The following CLVS1 variants were observed in gnomAD, a reference collection of about 807,000 sequenced individuals.
CLVS1 encodes clavesin 1.
CLVS1 carries 10 observed loss-of-function variants against 33.1 expected under a neutral mutation model. The observed-to-expected ratio is 0.30, with a 90% confidence interval of 0.19 to 0.51. The LOEUF (loss-of-function observed/expected upper bound fraction) is 0.51, where lower values mean the gene tolerates loss of function less well. Among genes scored for constraint, CLVS1 ranks in the 20% least tolerant of loss-of-function variants. The pLI is 0.97. For missense variants in CLVS1, 343 were observed against 433.4 expected, an observed-to-expected ratio of 0.79 and a Z score of 1.85; for synonymous variants, 163 against 166.1, an observed-to-expected ratio of 0.98 and a Z score of 0.14.
At chr8:61,337,514 C>T (rs1329456937) in intron 2 of CLVS1, among the ~76,000 whole-genome samples, 1 of 152,132 alleles carries the variant, frequency 6.6e-6, no homozygotes, top group African/African-American at 2.4e-5. Flanking sequence ...ACTGCCCCTC[C>T]AGGATTTCCG....
chr8:61,275,787 G>A lies in CLVS1; in HGVS notation c.-151-23890G>A, dbSNP rs1051274823. 2.6e-5 allele frequency among the ~76,000 whole-genome samples: 4 copies of A among 152,246 alleles called. No individual in the cohort carries two copies. In the South Asian group the frequency reaches 8.3e-4, roughly 32 times the overall value. On this transcript the variant is annotated intron_variant, in intron 2 of 2. Coordinates refer to the CLVS1 transcript ENST00000522621. ...CTCTCAAAGGTCTTACCTTTACAAT[G>A]CCATTCATCCCTCAAAAGAACAAAC...
chr8:61,186,553 T>C (rs1807347587), intron 2 of CLVS1, among the ~76,000 whole-genome samples: 1 of 152,122 alleles, frequency 6.6e-6, no homozygotes, highest in African/African-American at 2.4e-5. Context: ...AAACTGCCTT[T>C]CCTCCCATGA....
chr8:61,268,163 C>G (rs201317309), intron 2 of CLVS1, among the ~76,000 whole-genome samples: 1 of 126,282 alleles, frequency 7.9e-6, no homozygotes, highest in African/African-American at 3.0e-5. Flanking sequence ...CTATCCCACC[C>G]CCCTCCCCCC....
intron 1 of CLVS1, among the ~76,000 whole-genome samples, chr8:61,071,924 A>T (rs1804803550): frequency 6.6e-6 from 1 of 152,210 alleles, no homozygotes; most frequent in Admixed American, 6.5e-5. Context: ...ACACACACAC[A>T]CACAAATCAC....
At chr8:61,141,013 G>A (rs1806298672) in intron 2 of CLVS1, among the ~76,000 whole-genome samples, 2 of 152,234 alleles carry the variant, frequency 1.3e-5, no homozygotes, top group Middle Eastern at 3.4e-3. Context: ...GTGATCAGAC[G>A]GAACTGGGTC....
the CLVS1 span, among the ~76,000 whole-genome samples, chr8:60,981,041 T>C: frequency 6.6e-6 from 1 of 152,154 alleles, no homozygotes; most frequent in Non-Finnish European, 1.5e-5. Flanking sequence ...GGATGGCTTC[T>C]CTAGAGCCTC....
At position 61,408,057 on chromosome 8, in the gene CLVS1, C is replaced by A. The variant is rs941049053; in HGVS notation, c.630+31278C>A. Among the ~76,000 whole-genome samples the A allele has an allele frequency of 3.7e-4, 57 of 152,302 alleles. 1 individual carries two copies. The highest frequency in any genetic ancestry group is 1.3e-3 in the African/African-American group (53 of 41,540). On this transcript the variant is annotated intron_variant, in intron 3 of 5. Coordinates refer to ENST00000325897, the MANE Select transcript of CLVS1 (RefSeq NM_173519.3). The stretch of plus-strand genomic sequence containing the variant: ...TACTAGTATTTACAAAAGTCAGACA[C>A]CGGTCCAGGCACTTCAAACAGGTGG...
At chr8:61,461,958 A>G (rs1242707273) in intron 5 of CLVS1, among the ~76,000 whole-genome samples, 1 of 152,158 alleles carries the variant, frequency 6.6e-6, no homozygotes. Context: ...TATTTCCTCA[A>G]CATTCATAGT....
the CLVS1 span, among the ~76,000 whole-genome samples, chr8:61,004,349 C>T: frequency 6.6e-6 from 1 of 152,172 alleles, no homozygotes; most frequent in Non-Finnish European, 1.5e-5. Flanking sequence ...AGGGAGGAAA[C>T]AACTCTTGTC....
the CLVS1 span, among the ~76,000 whole-genome samples, chr8:61,041,542 C>T: frequency 2.0e-5 from 3 of 152,012 alleles, no homozygotes; most frequent in African/African-American, 7.2e-5. Flanking sequence ...GATCTTTTAC[C>T]TCCTTGGTTA....
At chr8:61,393,700 G>T (rs1040684079) in intron 3 of CLVS1, among the ~76,000 whole-genome samples, 1 of 152,170 alleles carries the variant, frequency 6.6e-6, no homozygotes, top group African/African-American at 2.4e-5. Context: ...ACCCTTTGGG[G>T]CTACTAGGCT....
chr8:61,349,520 A>G (rs1238325817), intron 2 of CLVS1, among the ~76,000 whole-genome samples: 5 of 152,180 alleles, frequency 3.3e-5, no homozygotes, highest in African/African-American at 7.2e-5. Context: ...GGTGGGGAAC[A>G]GTGAGAGGAC....
the CLVS1 span, among the ~76,000 whole-genome samples, chr8:60,994,606 C>G: frequency 6.6e-6 from 1 of 152,116 alleles, no homozygotes; most frequent in South Asian, 2.1e-4. Context: ...GCCTCTCTAC[C>G]TGATGGGCTA....
At chr8:61,349,458 C>A (rs144388610) in intron 2 of CLVS1, among the ~76,000 whole-genome samples, 1 of 152,072 alleles carries the variant, frequency 6.6e-6, no homozygotes, top group Non-Finnish European at 1.5e-5. Flanking sequence ...GTCAAGGACA[C>A]CTCTCAGATT....
At chr8:61,491,783 G>T (rs778200900) in intron 5 of CLVS1, among the ~76,000 whole-genome samples, 1 of 152,118 alleles carries the variant, frequency 6.6e-6, no homozygotes, top group East Asian at 1.9e-4. Flanking sequence ...ACAGATGATT[G>T]TTACTTCCTC....
chr8:61,393,477 C>G (rs1176380991), intron 3 of CLVS1, among the ~76,000 whole-genome samples: 2 of 152,092 alleles, frequency 1.3e-5, no homozygotes, highest in East Asian at 3.9e-4. Context: ...GTTATTGAAC[C>G]TTGTTGTGTA....
In CLVS1 at chr8:61,317,258, G is replaced by T. The variant is rs139002643; in HGVS notation, c.455+16976G>T. ...GTCCTGTTGCTGCTGCTTCCAGAGG[G>T]CAGGAATGTTGTGTCCTCACATGGC... On this transcript the variant is annotated intron_variant, in intron 2 of 5. Transcript: ENST00000325897. Among the ~76,000 whole-genome samples, 626 of 152,242 alleles carry T rather than the reference G, an allele frequency of 4.1e-3. 1 individual carries two copies. Among genetic ancestry groups the T allele is most frequent in the Non-Finnish European group, 6.8e-3 (462 of 68,004 alleles).
At chr8:61,363,898 C>A (rs185584582) in intron 2 of CLVS1, among the ~76,000 whole-genome samples, 2 of 152,222 alleles carry the variant, frequency 1.3e-5, no homozygotes, top group East Asian at 3.9e-4. Context: ...TAGGCAGGGG[C>A]GCCATGGGTG....
chr8:61,419,366 C>T (rs1162498686), intron 3 of CLVS1, among the ~76,000 whole-genome samples: 5 of 138,894 alleles, frequency 3.6e-5, no homozygotes, highest in Admixed American at 7.4e-5. Context: ...CACTGCACTC[C>T]AGCCTGGGTG....
Sources: allele counts gnomAD v4.1 joint callset (sites outside exome capture counted in the v4.1 genomes callset), GRCh38; gene constraint gnomAD v4.1.1; transcripts MANE v1.5; gene names NCBI Gene and HGNC (gene_info 2026-07-23, HGNC 2026-07-21).